ZMYND10: variants seen among roughly 807,000 people sequenced by gnomAD.
The protein encoded by ZMYND10 is zinc finger MYND domain-containing protein 10.
A neutral mutation model predicts 62.6 loss-of-function variants in ZMYND10; 52 were observed. That is an observed-to-expected ratio of 0.83 (90% CI 0.67 to 1.05). The LOEUF (loss-of-function observed/expected upper bound fraction) is 1.05, where lower values mean the gene tolerates loss of function less well. ZMYND10 is among the 50% of genes least tolerant of loss of function. The probability of loss-of-function intolerance (pLI) is 0.00; values close to 1 mark genes in which losing one functional copy is unlikely to be tolerated. For missense variants in ZMYND10, 438 were observed against 543.3 expected (o/e 0.81, Z 1.93); for synonymous variants, 197 against 218.5 (o/e 0.90, Z 0.87).
In ZMYND10 at chr3:50,341,217, G is replaced by C; in HGVS notation, c.*193C>G. The C allele has an allele frequency of 1.4e-6, 1 of 720,444 alleles. No homozygotes were observed. The highest frequency in any genetic ancestry group is 2.7e-5 in the Admixed American group (1 of 36,578). The allele number at this position is 720,444 out of a possible 1,614,324, so 44.6% of individuals were successfully genotyped here. ...GCAACACACTTGGCCTACCCACTGG[G>C]TGGGGCAGGAAGTCTCGAGCCTTCA... On this transcript the variant is annotated 3_prime_UTR_variant, in exon 12 of 12. Transcript: ENST00000231749.
chr3:50,344,183 T>G (rs144474398), intron 2 of ZMYND10: 9 of 374,352 alleles, frequency 2.4e-5, no homozygotes, highest in Admixed American at 4.1e-5. Flanking sequence ...ATGCCCTCCC[T>G]CTAGTCCCTG....
At position 50,343,743 on chromosome 3, in the gene ZMYND10, G is replaced by T; in HGVS notation, c.309C>A (p.Ile103=). 6.2e-7 allele frequency: 1 copy of T among 1,614,198 alleles called. No homozygotes were observed. The highest frequency in any genetic ancestry group is 1.3e-5 in the African/African-American group (1 of 75,046). Residue 103 remains isoleucine (I), a synonymous_variant, in exon 3 of 12, where the codon ATC becomes ATA. Transcript: ENST00000231749. ...CAGGGGCCCAGCTCACCACCATGTAGATGGGGAAGGTGTTCTGGGGCTTGA... is the reference window on the plus strand; with the variant it reads ...CAGGGGCCCAGCTCACCACCATGTATATGGGGAAGGTGTTCTGGGGCTTGA... ...EDFKPQNTFP[I]YMVVHHEASI...
In ZMYND10 at chr3:50,341,652, T is replaced by C. The variant is rs763714513; in HGVS notation, c.1169A>G (p.Glu390Gly). Residue 390 changes from glutamate (E) to glycine (G), a missense_variant, in exon 11 of 12, where the codon GAG becomes GGG. Transcript: ENST00000231749. ...RLDVLEAVAP[E>G]RPRCAYCSAE... ...ACTGCAGTAAGCACAGCGGGGCCGC[T>C]CTGGAGCCACTGCCTCTAGCACATC... 3 of 1,614,200 alleles carry C rather than the reference T, an allele frequency of 1.9e-6. No homozygotes were observed. The highest frequency in any genetic ancestry group is 2.2e-5 in the South Asian group (2 of 91,088).
chr3:50,342,391 T>A lies in ZMYND10; in HGVS notation c.873+6A>T, dbSNP rs1282326185. The A allele has an allele frequency of 6.4e-7, 1 of 1,565,946 alleles. No individual in the cohort carries two copies. The highest frequency in any genetic ancestry group is 8.7e-7 in the Non-Finnish European group (1 of 1,155,196). ...GCTGTGGGGGCTGGTGCGGAGGGAG[T>A]CTGACCTTGAGTAGCCGTCCCTTGG... On this transcript the variant is annotated splice_donor_region_variant and intron_variant, in intron 8 of 11. Transcript: ENST00000231749.
In ZMYND10 at chr3:50,342,480, T is replaced by C; in HGVS notation, c.790A>G (p.Ile264Val). 6.2e-7 allele frequency: 1 copy of C among 1,613,948 alleles called. No individual in the cohort carries two copies. Among genetic ancestry groups the C allele is most frequent in the Non-Finnish European group, 8.5e-7 (1 of 1,179,932 alleles). Residue 264 changes from isoleucine to valine, a missense_variant, in exon 8 of 12, where the codon ATC becomes GTC. Physicochemically the swap from Ile to Val is conservative, Grantham distance 29. Transcript: ENST00000231749. ...KLSKLDGQVW[I>V]ALYNLLLSPE... ...CTTAGCAGCAGGTTGTACAGGGCGA[T>C]CCACACTTGCCCGTCCAACTTGCTC... is the stretch of plus-strand genomic sequence containing the variant.
chr3:50,344,469 C>T (rs998863688), intron 2 of ZMYND10, among the ~76,000 whole-genome samples: 2 of 151,982 alleles, frequency 1.3e-5, no homozygotes, highest in East Asian at 1.9e-4. Context: ...CAGGTGTGCA[C>T]CACCATGCTC....
chr3:50,345,381 C>G lies in ZMYND10; in HGVS notation c.92+107G>C. 7 of 1,506,112 alleles carry G rather than the reference C, an allele frequency of 4.6e-6. No individual in the cohort carries two copies. Among genetic ancestry groups the G allele is most frequent in the Non-Finnish European group, 6.3e-6 (7 of 1,113,558 alleles). The allele number at this position is 1,506,112 out of a possible 1,614,324, so 93.3% of individuals were successfully genotyped here. ...TCCTGTCTCGGAACGCTCTGCTCCC[C>G]CATTTGGGAGCCCCTCCACACTGGG... On this transcript the variant is annotated intron_variant, in intron 1 of 11. Coordinates refer to ENST00000231749, the MANE Select transcript of ZMYND10 (RefSeq NM_015896.4). This position sits in a 1 kb window ranked among gnomAD's most constrained non-coding sequence, Gnocchi z 5.0.
chr3:50,341,689 T>C lies in ZMYND10; in HGVS notation c.1132A>G (p.Thr378Ala). ...LRLQARRWAE[T>A]YRLDVLEAVA... The stretch of plus-strand genomic sequence containing the variant: ...GCCTCTAGCACATCCAGCCTGTAGG[T>C]CTCAGCCCACCTGGGGGAAAGTCAG... The change falls in exon 11 of 12, where the codon ACC (threonine) becomes GCC (alanine). Residue 378 changes from threonine to alanine, a missense_variant. Transcript: ENST00000231749. 1.2e-6 allele frequency: 2 copies of C among 1,614,126 alleles called. No individual in the cohort carries two copies. The highest frequency in any genetic ancestry group is 1.7e-6 in the Non-Finnish European group (2 of 1,179,972).
At chr3:50,342,213 G>T (rs1201925518) in intron 8 of ZMYND10, 73 bp from the exon 9 acceptor site, 2 of 1,589,108 alleles carry the variant, frequency 1.3e-6, no homozygotes, top group Non-Finnish European at 1.7e-6. Context: ...GAAGGGGCTG[G>T]GTTGGGCTGA....
Position 50,343,799 on chromosome 3 carries a change from C to G in ZMYND10, c.253G>C (p.Val85Leu). The change falls in exon 3 of 12, where the codon GTG becomes CTG. Residue 85 changes from valine to leucine, a missense_variant. Coordinates refer to ENST00000231749, the MANE Select transcript of ZMYND10 (RefSeq NM_015896.4). Reference sequence around the variant, plus strand: ...TCCACCCTGCAGAACACAGGGAACACCTTCTGCTTCCACATCTCCACTGCG... The same window carrying G: ...TCCACCCTGCAGAACACAGGGAACAGCTTCTGCTTCCACATCTCCACTGCG... ...LIAVEMWKQK[V>L]FPVFCRVEDF... The G allele has an allele frequency of 1.2e-6, 2 of 1,614,188 alleles. No individual in the cohort carries two copies. Among genetic ancestry groups the G allele is most frequent in the Non-Finnish European group, 1.7e-6 (2 of 1,180,036 alleles).
At position 50,345,378 on chromosome 3, in the gene ZMYND10, C is replaced by A. The variant is rs934739256; in HGVS notation, c.92+110G>T. The A allele has an allele frequency of 4.0e-6, 6 of 1,508,718 alleles. No homozygotes were observed. Among genetic ancestry groups the A allele is most frequent in the Middle Eastern group, 1.7e-4 (1 of 5,824 alleles). The allele number at this position is 1,508,718 out of a possible 1,614,324, so 93.5% of individuals were successfully genotyped here. A position where few individuals can be genotyped will look rare whatever the true frequency, so the allele number is the denominator to read the frequency against. ...TACTCCTGTCTCGGAACGCTCTGCT[C>A]CCCCATTTGGGAGCCCCTCCACACT... On this transcript the variant is annotated intron_variant, in intron 1 of 11. Coordinates refer to ENST00000231749, the MANE Select transcript of ZMYND10 (RefSeq NM_015896.4). This position sits in a 1 kb window ranked among gnomAD's most constrained non-coding sequence, Gnocchi z 5.0.
In ZMYND10 at chr3:50,342,048, G is replaced by A; in HGVS notation, c.966C>T (p.Thr322=). The A allele has an allele frequency of 6.2e-7, 1 of 1,614,202 alleles. No homozygotes were observed. The highest frequency in any genetic ancestry group is 8.5e-7 in the Non-Finnish European group (1 of 1,180,040). ...SFLAHLTLTE[T]QPPKKDLVLE... Reference sequence around the variant, plus strand: ...ACACCAGGTCCTTCTTAGGAGGCTGGGTTTCAGTTAGGGTCAGATGGGCCA... The same window carrying A: ...ACACCAGGTCCTTCTTAGGAGGCTGAGTTTCAGTTAGGGTCAGATGGGCCA... Residue 322 remains threonine, a synonymous_variant, in exon 9 of 12, where the codon ACC becomes ACT. Transcript: ENST00000231749.
rs779663116 is a variant in ZMYND10, at chr3:50,342,442, C to T, written c.828G>A (p.Gln276=). 20 of 1,609,450 alleles carry T rather than the reference C, an allele frequency of 1.2e-5. No homozygotes were observed. The African/African-American group carries it at 2.1e-4, about 17-fold the overall frequency. ...LYNLLLSPEA[Q]ARYCLTSFAK... The stretch of plus-strand genomic sequence containing the variant: ...CAAAACTTGTGAGGCAGTAGCGCGC[C>T]TGAGCCTCAGGGCTTAGCAGCAGGT... Residue 276 remains glutamine, a synonymous_variant, in exon 8 of 12, where the codon CAG becomes CAA. Transcript: ENST00000231749.
rs1227891969 is a variant in ZMYND10, at chr3:50,345,651, A to AC, written c.-73dup. On this transcript the variant is annotated 5_prime_UTR_variant, in exon 1 of 12. An upstream open reading frame in the 5' UTR loses its in-frame stop. Transcript: ENST00000231749. The surrounding 1 kb of genome is among the most constrained non-coding windows in gnomAD (Gnocchi z 5.0). ...ATGCTGTCACATTCGGGGACGACGGACCCCGACGGTGCCAAAGTCTGGGAC... is the reference window on the plus strand; with the variant it reads ...ATGCTGTCACATTCGGGGACGACGGACCCCCGACGGTGCCAAAGTCTGGGAC... 6.7e-7 allele frequency: 1 copy of AC among 1,497,308 alleles called. No homozygotes were observed. The highest frequency in any genetic ancestry group is 8.9e-7 in the Non-Finnish European group (1 of 1,125,174). The allele number at this position is 1,497,308 out of a possible 1,614,324, so 92.8% of individuals were successfully genotyped here.
At chr3:50,343,266 C>T in intron 5 of ZMYND10, 41 bp downstream of exon 5, 1 of 1,613,630 alleles carries the variant, frequency 6.2e-7, no homozygotes, top group Non-Finnish European at 8.5e-7. Context: ...CTTGGGGAAC[C>T]CAGACCTAGG....
In ZMYND10 at chr3:50,342,701, G is replaced by A. The variant is rs146242904; in HGVS notation, c.701-132C>T. On this transcript the variant is annotated intron_variant, in intron 7 of 11. Transcript: ENST00000231749. ...GCTGCAGGACTTGCCCAGGCTATAG[G>A]GCTGCTGACCCCAGAGCAGGGTGAG... 8.9e-4 allele frequency: 1,321 copies of A among 1,476,488 alleles called. 9 individuals are homozygous for A. In the Middle Eastern group the frequency reaches 0.02, roughly 23 times the overall value. 91.5% of individuals were successfully genotyped at this position (1,476,488 alleles called of 1,614,324 possible).
At chr3:50,343,087 CA>C in intron 6 of ZMYND10, 30 bp downstream of exon 6, 1 of 1,614,146 alleles carries the variant, frequency 6.2e-7, no homozygotes, top group Non-Finnish European at 8.5e-7. Context: ...CAGCCCTCCA[CA>C]GTAGGCCCAG....
chr3:50,342,432 A>G lies in ZMYND10; in HGVS notation c.838T>C (p.Cys280Arg), dbSNP rs753798328. The part of the protein sequence containing the change: ...LLSPEAQARY[C>R]LTSFAKGRLL... ...CGTCCCTTGGCAAAACTTGTGAGGC[A>G]GTAGCGCGCCTGAGCCTCAGGGCTT... is the stretch of plus-strand genomic sequence containing the variant. The change falls in exon 8 of 12, where the codon TGC (cysteine) becomes CGC (arginine). Residue 280 changes from cysteine to arginine, a missense_variant. Cys to Arg is a radical substitution (Grantham distance 180, BLOSUM62 -3). Coordinates refer to ENST00000231749, the MANE Select transcript of ZMYND10 (RefSeq NM_015896.4). 2 of 1,603,138 alleles carry G rather than the reference A, an allele frequency of 1.2e-6. No homozygotes were observed. The highest frequency in any genetic ancestry group is 1.7e-6 in the Non-Finnish European group (2 of 1,174,168).
In ZMYND10 at chr3:50,343,548, G is replaced by A; in HGVS notation, c.372+15C>T. ...GACCCGGAACTGTGGCCCATGGGCA[G>A]AGATAGTCCCTCACCTTGTGGAAGA... On this transcript the variant is annotated intron_variant, in intron 4 of 11. Coordinates refer to ENST00000231749, the MANE Select transcript of ZMYND10 (RefSeq NM_015896.4). The A allele has an allele frequency of 1.2e-6, 2 of 1,614,214 alleles. No homozygotes were observed. Among genetic ancestry groups the A allele is most frequent in the Admixed American group, 1.7e-5 (1 of 60,034 alleles).
Sources: allele counts gnomAD v4.1 joint callset (sites outside exome capture counted in the v4.1 genomes callset), GRCh38; gene constraint gnomAD v4.1.1; non-coding constraint Gnocchi (gnomAD v3.1); transcripts MANE v1.5; gene names NCBI Gene and HGNC (gene_info 2026-07-23, HGNC 2026-07-21).